The following UGT2B17 variants were observed in gnomAD, a reference collection of about 807,000 sequenced individuals.
The protein encoded by UGT2B17 is UDP glucuronosyltransferase family 2 member B17.
UGT2B17 carries 21 observed loss-of-function variants against 48.2 expected under a neutral mutation model. The observed-to-expected ratio is 0.44, with a 90% CI of 0.31 to 0.63. UGT2B17 has a LOEUF of 0.63. Ranked by LOEUF, UGT2B17 falls within the 20% of genes least tolerant of loss-of-function variation. The probability of loss-of-function intolerance (pLI) is 0.08; values close to 1 mark genes in which losing one functional copy is unlikely to be tolerated. For synonymous variants in UGT2B17, 146 were observed against 238.4 expected (o/e 0.61, Z 3.57); for missense variants, 402 against 696.1 (o/e 0.58, Z 4.75).
chr4:68,558,863 C>T lies in UGT2B17; in HGVS notation c.1005+1674G>A, dbSNP rs1437684523. Among the ~76,000 whole-genome samples the T allele has an allele frequency of 1.3e-4, 17 of 125,986 alleles. 4 individuals carry two copies. Among genetic ancestry groups the T allele is most frequent in the Non-Finnish European group, 1.0e-4 (6 of 59,428 alleles). 82.7% of individuals were successfully genotyped at this position (125,986 alleles called of 152,430 possible). ...TCTGCTCACTGAGATAAATGCATATCTGATTGCCTCCTTTGGAGAGCCTAA... is the reference window on the plus strand; with the variant it reads ...TCTGCTCACTGAGATAAATGCATATTTGATTGCCTCCTTTGGAGAGCCTAA... On this transcript the variant is annotated intron_variant, in intron 4 of 6. Coordinates refer to ENST00000317746, the MANE Select transcript of UGT2B17 (RefSeq NM_001077.4).
Position 68,559,551 on chromosome 4 carries a change from A to C in UGT2B17, c.1005+986T>G, listed in dbSNP as rs1444394504. Among the ~76,000 whole-genome samples the C allele has an allele frequency of 2.6e-4, 33 of 126,364 alleles. 7 individuals are homozygous for C. Among genetic ancestry groups the C allele is most frequent in the African/African-American group, 8.9e-4 (33 of 36,998 alleles). The allele number at this position is 126,364 out of a possible 152,430, so 82.9% of individuals were successfully genotyped here. ...CCAAGCAATCTTTATAAACTGGAGTAGAATTTACAAGTGTTGTCCTTGTAT... is the reference window on the plus strand; with the variant it reads ...CCAAGCAATCTTTATAAACTGGAGTCGAATTTACAAGTGTTGTCCTTGTAT... On this transcript the variant is annotated intron_variant, in intron 4 of 6. Coordinates refer to ENST00000317746, the MANE Select transcript of UGT2B17 (RefSeq NM_001077.4).
chr4:68,555,172 G>T (rs1409416817), intron 4 of UGT2B17, among the ~76,000 whole-genome samples: 1 of 125,522 alleles, frequency 8.0e-6, no homozygotes. Context: ...ATTTTTGTTT[G>T]CATTTATTAA....
At chr4:68,540,017 C>T (rs566446626) in intron 6 of UGT2B17, among the ~76,000 whole-genome samples, 2 of 123,114 alleles carry the variant, frequency 1.6e-5, no homozygotes, top group African/African-American at 5.6e-5. Context: ...AACTCCTGAC[C>T]AAATGTGATC....
At position 68,542,864 on chromosome 4, in the gene UGT2B17, C is replaced by T. The variant is rs554324245; in HGVS notation, c.1314-4960G>A. Among the ~76,000 whole-genome samples the T allele has an allele frequency of 2.4e-5, 3 of 127,026 alleles. 1 individual carries two copies. Among genetic ancestry groups the T allele is most frequent in the African/African-American group, 5.4e-5 (2 of 37,222 alleles). The allele number at this position is 127,026 out of a possible 152,430, so 83.3% of individuals were successfully genotyped here. Reference sequence around the variant, plus strand: ...CATTGCTAGCACAGCAGTCTGAGATCGAACTGCAAGGCAGCAGTGAGACTG... The same window carrying T: ...CATTGCTAGCACAGCAGTCTGAGATTGAACTGCAAGGCAGCAGTGAGACTG... On this transcript the variant is annotated intron_variant, in intron 6 of 6. Coordinates refer to ENST00000317746, the MANE Select transcript of UGT2B17 (RefSeq NM_001077.4).
rs1176448560 is a variant in UGT2B17, at chr4:68,545,472, G to A, written c.1313+5205C>T. Among the ~76,000 whole-genome samples, 2 of 124,902 alleles carry A rather than the reference G, an allele frequency of 1.6e-5. 1 individual carries two copies. Among genetic ancestry groups the A allele is most frequent in the Non-Finnish European group, 3.4e-5 (2 of 59,296 alleles). The allele number at this position is 124,902 out of a possible 152,430, so 81.9% of individuals were successfully genotyped here. On this transcript the variant is annotated intron_variant, in intron 6 of 6. Transcript: ENST00000317746. ...CACTAAATGCCCACAAGAGAAAGCA[G>A]GAAACATCTAAAATTGACACCCTAA... is the stretch of plus-strand genomic sequence containing the variant.
intron 4 of UGT2B17, among the ~76,000 whole-genome samples, chr4:68,559,246 A>T (rs989951493): frequency 7.9e-6 from 1 of 125,820 alleles, no homozygotes; most frequent in African/African-American, 2.7e-5. Context: ...AACTGCACAT[A>T]TGGTGAGAAA....
In UGT2B17 at chr4:68,574,362, C is replaced by T. The variant is rs770519936; in HGVS notation, c.-65+1589G>A. On this transcript the variant is annotated intron_variant, in intron 1 of 6. Coordinates refer to ENST00000317746, the MANE Select transcript of UGT2B17 (RefSeq NM_001077.4). Reference sequence around the variant, plus strand: ...AATATTAAACTTAATTTTAATAAAACCTTGTAGACATATTTATCCAATTTT... The same window carrying T: ...AATATTAAACTTAATTTTAATAAAATCTTGTAGACATATTTATCCAATTTT... Among the ~76,000 whole-genome samples the T allele has an allele frequency of 8.0e-5, 10 of 125,668 alleles. 3 individuals carry two copies. Among genetic ancestry groups the T allele is most frequent in the Non-Finnish European group, 1.5e-4 (9 of 59,356 alleles). 82.4% of individuals were successfully genotyped at this position (125,668 alleles called of 152,430 possible).
At chr4:68,564,971 A>G (rs369711245) in intron 3 of UGT2B17, among the ~76,000 whole-genome samples, 3 of 125,132 alleles carry the variant, frequency 2.4e-5, no homozygotes, top group Non-Finnish European at 5.1e-5. Flanking sequence ...GCCTCCCAAA[A>G]TTCAGGGATT....
Position 68,569,384 on chromosome 4 carries a change from C to T in UGT2B17, c.-64-836G>A, listed in dbSNP as rs1457983786. Among the ~76,000 whole-genome samples the T allele has an allele frequency of 1.6e-5, 2 of 124,322 alleles. 1 individual carries two copies. Among genetic ancestry groups the T allele is most frequent in the African/African-American group, 5.5e-5 (2 of 36,274 alleles). The allele number at this position is 124,322 out of a possible 152,430, so 81.6% of individuals were successfully genotyped here. A position where few individuals can be genotyped will look rare whatever the true frequency, so the allele number is the denominator to read the frequency against. On this transcript the variant is annotated intron_variant, in intron 1 of 6. Transcript: ENST00000317746. ...TTCTGTTTGCAGGAGAAGTTCCTGA[C>T]TTTATGTGAAGCTGAGTCAAATTAG... is the stretch of plus-strand genomic sequence containing the variant.
rs559662229 is a variant in UGT2B17, at chr4:68,572,951, G to T, written c.-65+3000C>A. ...TACTGATGTACAGTTATGTTTAACT[G>T]GGCTCTCTGATAATAGGAGTAAGAT... On this transcript the variant is annotated intron_variant, in intron 1 of 6. Transcript: ENST00000317746. Among the ~76,000 whole-genome samples, 124 of 126,520 alleles carry T rather than the reference G, an allele frequency of 9.8e-4. 24 individuals are homozygous for T. The highest frequency in any genetic ancestry group is 1.6e-3 in the Non-Finnish European group (96 of 59,630). 83.0% of individuals were successfully genotyped at this position (126,520 alleles called of 152,430 possible).
Position 68,545,832 on chromosome 4 carries a change from G to T in UGT2B17, c.1313+4845C>A, listed in dbSNP as rs2109761904. ...TAAACTAGAAAATCAAGAAGAAATG[G>T]ATAAATTCCTCGACACACACACCCT... On this transcript the variant is annotated intron_variant, in intron 6 of 6. Transcript: ENST00000317746. 3.2e-5 allele frequency among the ~76,000 whole-genome samples: 4 copies of T among 125,708 alleles called. 2 individuals are homozygous for T. The highest frequency in any genetic ancestry group is 7.9e-3 in the Middle Eastern group (2 of 252). The allele number at this position is 125,708 out of a possible 152,430, so 82.5% of individuals were successfully genotyped here.
rs948974623 is a variant in UGT2B17, at chr4:68,572,379, A to G, written c.-65+3572T>C. Among the ~76,000 whole-genome samples the G allele has an allele frequency of 2.4e-5, 3 of 126,748 alleles. 1 individual carries two copies. The Admixed American group carries it at 2.4e-4, about 10-fold the overall frequency. The allele number at this position is 126,748 out of a possible 152,430, so 83.2% of individuals were successfully genotyped here. A position where few individuals can be genotyped will look rare whatever the true frequency, so the allele number is the denominator to read the frequency against. ...GATCATGGGAGGCTTAAAATTGTTCATAACACACATCAGGTTGGTTATTTC... is the reference window on the plus strand; with the variant it reads ...GATCATGGGAGGCTTAAAATTGTTCGTAACACACATCAGGTTGGTTATTTC... On this transcript the variant is annotated intron_variant, in intron 1 of 6. Coordinates refer to ENST00000317746, the MANE Select transcript of UGT2B17 (RefSeq NM_001077.4).
chr4:68,549,885 C>T (rs1730884689), intron 6 of UGT2B17, among the ~76,000 whole-genome samples: 1 of 125,022 alleles, frequency 8.0e-6, no homozygotes, highest in African/African-American at 2.7e-5. Context: ...CTAAAATGTC[C>T]ATGCCCTGAT....
rs1731145167 is a variant in UGT2B17, at chr4:68,563,786, C to T, written c.873+1786G>A. Reference sequence around the variant, plus strand: ...ACCTTTGCAATACAACTTTAGCTTTCCAGCGTGTTCAACTGACTGCCCAAA... The same window carrying T: ...ACCTTTGCAATACAACTTTAGCTTTTCAGCGTGTTCAACTGACTGCCCAAA... On this transcript the variant is annotated intron_variant, in intron 3 of 6. Transcript: ENST00000317746. Among the ~76,000 whole-genome samples, 3 of 125,288 alleles carry T rather than the reference C, an allele frequency of 2.4e-5. 1 individual carries two copies. The highest frequency in any genetic ancestry group is 5.1e-5 in the Non-Finnish European group (3 of 59,378). The allele number at this position is 125,288 out of a possible 152,430, so 82.2% of individuals were successfully genotyped here.
intron 6 of UGT2B17, among the ~76,000 whole-genome samples, chr4:68,544,527 C>T (rs113669647): frequency 0.013 from 1,604 of 125,642 alleles, 320 homozygotes; most frequent in African/African-American, 0.04. Flanking sequence ...TAGGAAAAAA[C>T]GGCATCAACT....
chr4:68,575,296 C>T (rs1263024520), intron 1 of UGT2B17, among the ~76,000 whole-genome samples: 4 of 119,518 alleles, frequency 3.3e-5, no homozygotes, highest in African/African-American at 1.2e-4. Context: ...CTAAAACCAG[C>T]TGTAACTGTC....
rs760618760 is a variant in UGT2B17 at position 68,537,757 on chromosome 4, G to C, written c.1461C>G (p.Ile487Met). Residue 487 changes from isoleucine (I) to methionine (M), a missense_variant, in exon 7 of 7, where the codon ATC becomes ATG. By Grantham distance (10) the Ile-to-Met change is conservative. Transcript: ENST00000317746. ...CTATCACATCCAAAGAGTGGTACTG[G>C]ATCCAGGTGAGGTTGTGGGCTGCGA... ...LRVAAHNLTW[I>M]QYHSLDVIAF... 3.6e-6 allele frequency: 5 copies of C among 1,379,718 alleles called. 1 individual carries two copies. The highest frequency in any genetic ancestry group is 3.3e-5 in the South Asian group (2 of 60,038). 85.5% of individuals were successfully genotyped at this position (1,379,718 alleles called of 1,614,324 possible).
chr4:68,575,741 C>T lies in UGT2B17; in HGVS notation c.-65+210G>A, dbSNP rs577215472. On this transcript the variant is annotated intron_variant, in intron 1 of 6. Coordinates refer to ENST00000317746, the MANE Select transcript of UGT2B17 (RefSeq NM_001077.4). ...CCAGCAATTCAAGTCAAGTCAAAAC[C>T]AGATCAAAAGTGCCAATACAGGCAC... Among the ~76,000 whole-genome samples, 35 of 126,594 alleles carry T rather than the reference C, an allele frequency of 2.8e-4. 6 individuals carry two copies. The highest frequency in any genetic ancestry group is 7.6e-4 in the African/African-American group (28 of 36,878). The allele number at this position is 126,594 out of a possible 152,430, so 83.1% of individuals were successfully genotyped here.
At chr4:68,561,184 G>A (rs1239885323) in intron 3 of UGT2B17, among the ~76,000 whole-genome samples, 1 of 123,182 alleles carries the variant, frequency 8.1e-6, no homozygotes, top group Non-Finnish European at 1.7e-5. Context: ...CAATTAGAAT[G>A]ATTTTATATC....
Sources: allele counts gnomAD v4.1 joint callset (sites outside exome capture counted in the v4.1 genomes callset), GRCh38; gene constraint gnomAD v4.1.1; transcripts MANE v1.5; gene names NCBI Gene and HGNC (gene_info 2026-07-23, HGNC 2026-07-21).